ZNRF1: variants seen among roughly 807,000 people sequenced by gnomAD.
ZNRF1 encodes zinc and ring finger 1.
In ZNRF1, 3 loss-of-function variants were observed where a neutral mutation model predicts 18.4. That is an observed-to-expected ratio of 0.16 (90% confidence interval 0.07 to 0.42). The LOEUF is 0.42. Ranked by LOEUF, ZNRF1 falls within the 10% of genes least tolerant of loss-of-function variation. ZNRF1 has a pLI of 0.99. For synonymous variants in ZNRF1, 157 were observed against 144.2 expected, an observed-to-expected ratio of 1.09 and a Z score of -0.64; for missense variants, 310 against 329.8, an observed-to-expected ratio of 0.94 and a Z score of 0.47.
At chr16:75,012,901 TC>T (rs2035017468) in intron 1 of ZNRF1, among the ~76,000 whole-genome samples, 1 of 152,186 alleles carries the variant, frequency 6.6e-6, no homozygotes, top group African/African-American at 2.4e-5. Flanking sequence ...GTTCCAGGTC[TC>T]CAGAGCTCAA....
At chr16:75,039,786 A>G (rs1409935799) in intron 1 of ZNRF1, among the ~76,000 whole-genome samples, 1 of 152,166 alleles carries the variant, frequency 6.6e-6, no homozygotes, top group Non-Finnish European at 1.5e-5. Context: ...AAGCACTGTT[A>G]ATAGAGAAAT....
chr16:75,042,004 A>T (rs1441784476), intron 1 of ZNRF1, among the ~76,000 whole-genome samples: 1 of 152,148 alleles, frequency 6.6e-6, no homozygotes, highest in African/African-American at 2.4e-5. Flanking sequence ...CTCAAAAAAC[A>T]AAGACTTAAT....
chr16:75,022,630 A>C (rs560494821), intron 1 of ZNRF1, among the ~76,000 whole-genome samples: 5 of 152,346 alleles, frequency 3.3e-5, no homozygotes, highest in African/African-American at 1.2e-4. Context: ...AATTAGTGAA[A>C]ATTAATGAAC....
chr16:75,040,360 T>A (rs921351798), intron 1 of ZNRF1, among the ~76,000 whole-genome samples: 3 of 151,972 alleles, frequency 2.0e-5, no homozygotes, highest in Admixed American at 2.0e-4. Context: ...GCTCAAGCAA[T>A]CCTCTCACTT....
chr16:75,025,779 G>C (rs1443836351), intron 1 of ZNRF1, among the ~76,000 whole-genome samples: 1 of 151,638 alleles, frequency 6.6e-6, no homozygotes, highest in Non-Finnish European at 1.5e-5. Context: ...TTTTCTTTCT[G>C]ATGGGATGAT....
At chr16:75,063,876 G>C (rs1441801109) in intron 1 of ZNRF1, among the ~76,000 whole-genome samples, 9 of 152,218 alleles carry the variant, frequency 5.9e-5, no homozygotes, top group Admixed American at 3.3e-4. Flanking sequence ...TGACCTCCCT[G>C]TGTGTATCTG....
chr16:75,090,327 A>G (rs953911016), intron 1 of ZNRF1, among the ~76,000 whole-genome samples: 2 of 152,104 alleles, frequency 1.3e-5, no homozygotes, highest in Non-Finnish European at 2.9e-5. Context: ...AGAAAACTGG[A>G]TGGAATTCCC....
intron 1 of ZNRF1, among the ~76,000 whole-genome samples, chr16:75,091,527 T>C (rs1348285822): frequency 2.1e-5 from 3 of 140,410 alleles, no homozygotes; most frequent in East Asian, 4.0e-4. Context: ...AAAATCTGCA[T>C]ATAACTTTTT....
At chr16:75,012,858 T>G (rs1361646654) in intron 1 of ZNRF1, among the ~76,000 whole-genome samples, 1 of 152,200 alleles carries the variant, frequency 6.6e-6, no homozygotes, top group East Asian at 1.9e-4. Flanking sequence ...TGTGTTTTCC[T>G]GGCTTTGTAC....
chr16:75,067,436 A>C (rs2035819947), intron 1 of ZNRF1, among the ~76,000 whole-genome samples: 1 of 152,134 alleles, frequency 6.6e-6, no homozygotes, highest in South Asian at 2.1e-4. Flanking sequence ...TCTTTGGAAA[A>C]TACAGTCTGC....
intron 1 of ZNRF1, among the ~76,000 whole-genome samples, chr16:75,007,786 A>G (rs1019041316): frequency 6.6e-6 from 1 of 152,230 alleles, no homozygotes; most frequent in Non-Finnish European, 1.5e-5. Flanking sequence ...CCAAGCATTT[A>G]GTTTTTCTCT....
chr16:75,058,872 G>T (rs2035701674), intron 1 of ZNRF1, among the ~76,000 whole-genome samples: 1 of 152,190 alleles, frequency 6.6e-6, no homozygotes, highest in Non-Finnish European at 1.5e-5. Context: ...TGCCTTAGTT[G>T]AGAGTGTTTG....
intron 1 of ZNRF1, chr16:75,084,563 G>A (rs895320543): frequency 2.0e-5 from 3 of 152,132 alleles, no homozygotes; most frequent in South Asian, 2.1e-4. Context: ...TACAGACCAC[G>A]GGGATAAAAG....
At chr16:75,008,504 A>G (rs1025094283) in intron 1 of ZNRF1, among the ~76,000 whole-genome samples, 1 of 152,200 alleles carries the variant, frequency 6.6e-6, no homozygotes, top group Non-Finnish European at 1.5e-5. Context: ...AGACAAGTCA[A>G]GAGCTTAGGA....
At chr16:75,051,246 C>T (rs866310789) in intron 1 of ZNRF1, among the ~76,000 whole-genome samples, 3 of 151,962 alleles carry the variant, frequency 2.0e-5, no homozygotes, top group South Asian at 2.1e-4. Context: ...CTCACTCTGT[C>T]GCCTAGTCTG....
chr16:75,017,543 A>G, intron 1 of ZNRF1, among the ~76,000 whole-genome samples: 1 of 152,218 alleles, frequency 6.6e-6, no homozygotes, highest in Non-Finnish European at 1.5e-5. Context: ...AGATCTTAAT[A>G]AATACAACTT....
chr16:75,072,557 A>G (rs1468009052), intron 1 of ZNRF1, among the ~76,000 whole-genome samples: 2 of 152,170 alleles, frequency 1.3e-5, no homozygotes, highest in Non-Finnish European at 1.5e-5. Flanking sequence ...ACCTGCAGTT[A>G]ATTGGAGAAA....
At chr16:75,082,049 C>CT (rs1016788061) in intron 1 of ZNRF1, among the ~76,000 whole-genome samples, 7 of 152,030 alleles carry the variant, frequency 4.6e-5, no homozygotes, top group African/African-American at 1.7e-4. Flanking sequence ...GCTGCTGCTG[C>CT]TTTTTTTTGG....
intron 1 of ZNRF1, among the ~76,000 whole-genome samples, chr16:75,093,229 A>G (rs374515351): frequency 5.9e-5 from 9 of 152,272 alleles, no homozygotes; most frequent in African/African-American, 2.2e-4. Context: ...TACTAAAAAT[A>G]CAAAAATTAG....
Sources: allele counts gnomAD v4.1 joint callset (sites outside exome capture counted in the v4.1 genomes callset), GRCh38; gene constraint gnomAD v4.1.1; transcripts MANE v1.5; gene names NCBI Gene and HGNC (gene_info 2026-07-23, HGNC 2026-07-21).